The following KRT86 variants were observed in gnomAD, a reference collection of about 807,000 sequenced individuals.
KRT86 encodes the protein keratin 86, also known as keratin, type II cuticular Hb6.
KRT86 carries 30 observed loss-of-function variants against 41.2 expected under a neutral mutation model. That is an observed-to-expected ratio of 0.73 (90% CI 0.54 to 0.99). The LOEUF (loss-of-function observed/expected upper bound fraction) is 0.99. Among genes scored for constraint, KRT86 ranks in the 50% least tolerant of loss-of-function variants. KRT86 has a pLI of 0.00. For synonymous variants in KRT86, 238 were observed against 238.1 expected (o/e 1.00, Z 0.00); for missense variants, 561 against 571.4 (o/e 0.98, Z 0.19).
At chr12:52,288,195 C>T in intron 2 of KRT86, 1 of 1,598,778 alleles carries the variant, frequency 6.3e-7, no homozygotes. Context: ...ACAGCCCCAC[C>T]CACCATGTCC....
chr12:52,291,479 G>T, intron 2 of KRT86: 1 of 1,612,568 alleles, frequency 6.2e-7, no homozygotes, highest in Non-Finnish European at 8.5e-7. Context: ...CCTCCTGGAC[G>T]TTTGGGTTGC....
At chr12:52,278,755 C>A (rs1365662976) in intron 2 of KRT86, among the ~76,000 whole-genome samples, 1 of 152,058 alleles carries the variant, frequency 6.6e-6, no homozygotes, top group African/African-American at 2.4e-5. Flanking sequence ...CCTCCTTCCC[C>A]GTCCACACCT....
intron 7 of KRT86, 95 bp downstream of exon 7, chr12:52,305,499 G>A: frequency 1.2e-6 from 2 of 1,606,024 alleles, no homozygotes; most frequent in Non-Finnish European, 1.7e-6. Context: ...GATGCACTAG[G>A]GATGAGAAGA....
chr12:52,306,316 C>T (rs11612715), intron 9 of KRT86, 36 bp downstream of exon 9: 2 of 1,612,464 alleles, frequency 1.2e-6, no homozygotes, highest in Non-Finnish European at 1.7e-6. Context: ...CCCAGCCCTG[C>T]CAGGGTTCTC....
chr12:52,296,612 T>C (rs1364073002), intron 2 of KRT86, among the ~76,000 whole-genome samples: 3 of 152,146 alleles, frequency 2.0e-5, no homozygotes, highest in Non-Finnish European at 2.9e-5. Context: ...TGATGGATAA[T>C]TGGCCAGCGT....
intron 2 of KRT86, among the ~76,000 whole-genome samples, chr12:52,300,505 TTAA>T (rs1938347558): frequency 6.6e-6 from 1 of 152,224 alleles, no homozygotes; most frequent in Admixed American, 6.5e-5. Context: ...AGGGAAAGCC[TTAA>T]CCTATTTCCC....
chr12:52,295,029 T>C (rs1314989418), intron 2 of KRT86, among the ~76,000 whole-genome samples: 1 of 152,222 alleles, frequency 6.6e-6, no homozygotes, highest in African/African-American at 2.4e-5. Flanking sequence ...CACAAGGTTG[T>C]TTCCAGAGTT....
intron 6 of KRT86, 32 bp downstream of exon 6, chr12:52,305,059 C>A (rs765120827): frequency 3.6e-5 from 58 of 1,612,810 alleles, no homozygotes; most frequent in Non-Finnish European, 4.7e-5. Context: ...AGAGACCTGG[C>A]AGCCAGCAGA....
Position 52,306,299 on chromosome 12 carries a change from T to A in KRT86, c.1247+19T>A, listed in dbSNP as rs1300227305. 1.2e-6 allele frequency: 2 copies of A among 1,612,952 alleles called. No homozygotes were observed. Among genetic ancestry groups the A allele is most frequent in the Non-Finnish European group, 1.7e-6 (2 of 1,180,016 alleles). On this transcript the variant is annotated intron_variant, in intron 9 of 10. Transcript: ENST00000423955. ...AGCAGAGGTGGGTCCCATAGACCTT[T>A]CCCTTTCCCAGCCCTGCCAGGGTTC...
intron 2 of KRT86, among the ~76,000 whole-genome samples, chr12:52,294,059 G>A (rs1938195340): frequency 6.6e-6 from 1 of 152,172 alleles, no homozygotes; most frequent in Non-Finnish European, 1.5e-5. Flanking sequence ...GAGCTATCTG[G>A]TCACCCCAGA....
Position 52,305,800 on chromosome 12 carries a change from C to T in KRT86, c.1026+12C>T. On this transcript the variant is annotated intron_variant, in intron 8 of 10. Coordinates refer to ENST00000423955, the MANE Select transcript of KRT86 (RefSeq NM_001320198.2). ...ATGCCAAGTGCCAGGTATGGGGCAT[C>T]TGTGCCCAAGGTCAGAGAGACCGAG... The T allele has an allele frequency of 6.2e-7, 1 of 1,614,000 alleles. No homozygotes were observed. Among genetic ancestry groups the T allele is most frequent in the Middle Eastern group, 1.7e-4 (1 of 6,056 alleles).
At chr12:52,299,130 A>G (rs4761787) in intron 2 of KRT86, among the ~76,000 whole-genome samples, 36,109 of 152,062 alleles carry the variant, frequency 0.24, 4,384 homozygotes, top group African/African-American at 0.27. Flanking sequence ...GCCTCTGGTA[A>G]CCATCATTCT....
In KRT86 at chr12:52,308,214, T is replaced by C; in HGVS notation, c.1248-19T>C. 1 of 1,614,180 alleles carries C rather than the reference T, an allele frequency of 6.2e-7. No homozygotes were observed. The highest frequency in any genetic ancestry group is 8.5e-7 in the Non-Finnish European group (1 of 1,180,048). On this transcript the variant is annotated intron_variant, in intron 9 of 10. Transcript: ENST00000423955. ...GCGCCTTTTCCGCGGCACTGACCTC[T>C]CGCCTTCTCTCCCTGCAGGCTGTGC...
At chr12:52,288,318 C>G in intron 2 of KRT86, 1 of 1,612,902 alleles carries the variant, frequency 6.2e-7, no homozygotes, top group Middle Eastern at 1.8e-4. Flanking sequence ...CAACTCTCCT[C>G]TCTGCTGGCT....
chr12:52,286,322 C>T lies in KRT86; in HGVS notation c.-5+10376C>T, dbSNP rs982724643. 2 of 1,554,502 alleles carry T rather than the reference C, an allele frequency of 1.3e-6. No individual in the cohort carries two copies. The highest frequency in any genetic ancestry group is 1.9e-5 in the Admixed American group (1 of 51,294). The stretch of plus-strand genomic sequence containing the variant: ...GGAGCTGATACCACAGGAGCCCACG[C>T]CGCAGGAACCCCCTCCGCAGGTGGT... On this transcript the variant is annotated intron_variant, in intron 2 of 10. Transcript: ENST00000423955.
chr12:52,303,474 A>ACCTCCTGACACC (rs1348925526), intron 4 of KRT86, among the ~76,000 whole-genome samples, 166 bp downstream of exon 4: 1 of 91,376 alleles, frequency 1.1e-5, no homozygotes, highest in Non-Finnish European at 2.2e-5. Context: ...ACACCTGTGT[A>ACCTCCTGACACC]AGAGGAGGGC....
intron 10 of KRT86, 35 bp from the exon 11 acceptor site, chr12:52,308,369 C>A (rs1370137079): frequency 6.2e-7 from 1 of 1,610,922 alleles, no homozygotes; most frequent in African/African-American, 1.3e-5. Context: ...GTCGCGGCTG[C>A]GCCTGACGCG....
intron 2 of KRT86, among the ~76,000 whole-genome samples, chr12:52,288,676 C>T (rs1938047638): frequency 6.6e-6 from 1 of 152,060 alleles, no homozygotes; most frequent in Non-Finnish European, 1.5e-5. Flanking sequence ...AGCCTTTCAC[C>T]CCTCCTTGCC....
chr12:52,301,792 C>T (rs558224503), intron 2 of KRT86, 121 bp from the exon 3 acceptor site: 2 of 1,603,242 alleles, frequency 1.2e-6, no homozygotes, highest in East Asian at 2.2e-5. Flanking sequence ...CACGTGGTCA[C>T]AGTCTCCCCA....
Sources: allele counts gnomAD v4.1 joint callset (sites outside exome capture counted in the v4.1 genomes callset), GRCh38; gene constraint gnomAD v4.1.1; transcripts MANE v1.5; gene names NCBI Gene and HGNC (gene_info 2026-07-23, HGNC 2026-07-21).